The following GLOD4 variants were observed in gnomAD, a reference collection of about 807,000 sequenced individuals.
GLOD4 encodes the protein glyoxalase domain-containing protein 4.
A neutral mutation model predicts 39.1 loss-of-function variants in GLOD4; 44 were observed. The observed-to-expected ratio is 1.13, with a 90% CI of 0.88 to 1.45. The LOEUF (loss-of-function observed/expected upper bound fraction) is 1.45, where lower values mean the gene tolerates loss of function less well. Among genes scored for constraint, GLOD4 ranks in the 40% most tolerant of loss-of-function variants. The pLI is 0.00. For missense variants in GLOD4, 405 were observed against 366.4 expected, an observed-to-expected ratio of 1.11 and a Z score of -0.86; for synonymous variants, 145 against 135.0, an observed-to-expected ratio of 1.07 and a Z score of -0.52.
Position 768,093 on chromosome 17 carries a change from GA to G in GLOD4, c.831+1775del, listed in dbSNP as rs533299488. Among the ~76,000 whole-genome samples the G allele has an allele frequency of 1.4e-3, 194 of 140,614 alleles. 1 individual carries two copies. The highest frequency in any genetic ancestry group is 5.3e-3 in the African/African-American group (187 of 35,396). 92.2% of individuals were successfully genotyped at this position (140,614 alleles called of 152,430 possible). On this transcript the variant is annotated intron_variant, in intron 8 of 8. Coordinates refer to ENST00000301329, the MANE Select transcript of GLOD4 (RefSeq NM_016080.4). Reference sequence around the variant, plus strand: ...GCGCGCACTCAGATTTTTAGAAGAAGAAATCTGGAGAGGATGTGTGAGAGAG... The same window carrying G: ...GCGCGCACTCAGATTTTTAGAAGAAGAATCTGGAGAGGATGTGTGAGAGAG...
At chr17:783,229 A>C, upstream of GLOD4, 4 of 1,614,064 alleles carry the variant, frequency 2.5e-6, no homozygotes, top group Non-Finnish European at 8.5e-7. Flanking sequence ...TACCTAAAGG[A>C]GTTGCCAGTC....
intron 8 of GLOD4, 45 bp from the exon 9 acceptor site, chr17:760,283 A>G: frequency 9.5e-7 from 1 of 1,052,506 alleles, no homozygotes; most frequent in South Asian, 1.3e-5. Context: ...AGCCTGAAAA[A>G]CAAAAGACAT....
upstream of GLOD4, chr17:783,374 T>C (rs1035931574): frequency 7.8e-6 from 12 of 1,529,168 alleles, no homozygotes; most frequent in Non-Finnish European, 9.7e-6. Context: ...TCTTGTTCTG[T>C]CACCCAGGCT....
At chr17:772,912 G>A (rs1005353702) in intron 4 of GLOD4, among the ~76,000 whole-genome samples, 14 of 151,630 alleles carry the variant, frequency 9.2e-5, no homozygotes, top group African/African-American at 1.9e-4. Context: ...GGAGAATGGC[G>A]TGAACCCGGG....
chr17:773,952 T>C (rs1170809488), intron 4 of GLOD4, among the ~76,000 whole-genome samples: 1 of 152,166 alleles, frequency 6.6e-6, no homozygotes, highest in Non-Finnish European at 1.5e-5. Context: ...CAACCAGAAA[T>C]GCCCAAGGGG....
chr17:771,316 A>C lies in GLOD4; in HGVS notation c.543+9T>G, dbSNP rs757553882. 3.2e-6 allele frequency: 5 copies of C among 1,568,162 alleles called. No homozygotes were observed. In the South Asian group the frequency reaches 5.9e-5, roughly 19 times the overall value. ...AAGTAACAGGTTATTCTTCTCCAAG[A>C]TTGCTCACCTGGTTATCAGCATAGC... On this transcript the variant is annotated intron_variant, in intron 5 of 8. Transcript: ENST00000301329.
rs746316074 is a variant in GLOD4, at chr17:770,539, C to A, written c.544-32G>T. The A allele has an allele frequency of 5.2e-6, 5 of 958,120 alleles. No homozygotes were observed. In the South Asian group the frequency reaches 6.4e-5, roughly 12 times the overall value. The allele number at this position is 958,120 out of a possible 1,614,324, so 59.4% of individuals were successfully genotyped here. A position where few individuals can be genotyped will look rare whatever the true frequency, so the allele number is the denominator to read the frequency against. On this transcript the variant is annotated intron_variant, in intron 5 of 8. Coordinates refer to ENST00000301329, the MANE Select transcript of GLOD4 (RefSeq NM_016080.4). The stretch of plus-strand genomic sequence containing the variant: ...TAGGAAAGGGGGTTATTTTTTGGAA[C>A]AGGTTATACATTCATTACACGTATG...
intron 1 of GLOD4, among the ~76,000 whole-genome samples, chr17:781,351 T>C (rs969040749): frequency 1.3e-5 from 2 of 152,208 alleles, no homozygotes; most frequent in African/African-American, 4.8e-5. Context: ...ATCATCTACG[T>C]ACAAATCCAG....
chr17:767,947 G>C, intron 8 of GLOD4, among the ~76,000 whole-genome samples: 1 of 146,336 alleles, frequency 6.8e-6, no homozygotes, highest in East Asian at 2.1e-4. Context: ...GGACGTAAGA[G>C]AGAGAAACAG....
chr17:779,040 C>T (rs1445489561), intron 1 of GLOD4, among the ~76,000 whole-genome samples: 1 of 152,024 alleles, frequency 6.6e-6, no homozygotes, highest in Non-Finnish European at 1.5e-5. Context: ...TTGGGCCGGG[C>T]ACAGTGACTC....
chr17:774,335 C>T (rs1323941429), intron 4 of GLOD4, among the ~76,000 whole-genome samples: 1 of 152,194 alleles, frequency 6.6e-6, no homozygotes, highest in Non-Finnish European at 1.5e-5. Context: ...GGAGAATTTC[C>T]AGGACTCCCT....
chr17:762,970 A>G (rs1399065520), intron 8 of GLOD4, among the ~76,000 whole-genome samples: 2 of 151,996 alleles, frequency 1.3e-5, no homozygotes, highest in Non-Finnish European at 2.9e-5. Context: ...AGGTCAGGAG[A>G]TCGAGACCAT....
At chr17:764,274 G>A (rs1213521276) in intron 8 of GLOD4, 1 of 152,210 alleles carries the variant, frequency 6.6e-6, no homozygotes. Context: ...TGGGCATAGT[G>A]CTGCAGCCCT....
intron 8 of GLOD4, among the ~76,000 whole-genome samples, chr17:766,127 A>T (rs1389247065): frequency 4.6e-5 from 7 of 151,316 alleles, no homozygotes; most frequent in Non-Finnish European, 8.8e-5. Flanking sequence ...GTGAAACCCC[A>T]TCTCTAGAAA....
rs112468632 is a variant in GLOD4, at chr17:778,435, G to A, written c.140+260C>T. The A allele has an allele frequency of 8.4e-4, 487 of 577,514 alleles. 3 individuals carry two copies. The highest frequency in any genetic ancestry group is 8.3e-3 in the African/African-American group (442 of 53,456). The allele number at this position is 577,514 out of a possible 1,614,324, so 35.8% of individuals were successfully genotyped here. ...AATCCCTTTGTGTCCCACAGGTGTT[G>A]TATGAGAGTGCAGAGAAATGTGTTC... On this transcript the variant is annotated intron_variant, in intron 2 of 8. Transcript: ENST00000301329.
At chr17:779,827 T>A (rs1429211533) in intron 1 of GLOD4, among the ~76,000 whole-genome samples, 1 of 152,072 alleles carries the variant, frequency 6.6e-6, no homozygotes. Context: ...TTCCCACGGC[T>A]CCTGCCAGTT....
intron 1 of GLOD4, 78 bp from the exon 2 acceptor site, chr17:778,822 A>G: frequency 1.3e-6 from 1 of 752,650 alleles, no homozygotes; most frequent in Non-Finnish European, 2.3e-6. Context: ...TAAAATGTCA[A>G]AACACAAACA....
At chr17:765,951 CA>C (rs1225849004) in intron 8 of GLOD4, among the ~76,000 whole-genome samples, 3 of 148,232 alleles carry the variant, frequency 2.0e-5, no homozygotes, top group Non-Finnish European at 1.5e-5. Flanking sequence ...GTGAGACTCC[CA>C]ACTCAAAAAA....
intron 1 of GLOD4, chr17:780,828 T>C (rs902624011): frequency 1.3e-5 from 2 of 153,548 alleles, no homozygotes; most frequent in African/African-American, 4.8e-5. Context: ...AACCGCTCCT[T>C]CTTTTGTATT....
Sources: gnomAD v4.1 joint callset for allele counts (sites outside exome capture counted in the v4.1 genomes callset) on GRCh38, gnomAD v4.1.1 for gene constraint, MANE v1.5 for transcripts, NCBI Gene and HGNC (gene_info 2026-07-23, HGNC 2026-07-21) for gene names.